Variants in STRN observed in about 807,000 individuals in gnomAD.
STRN encodes the protein protein phosphatase 2 regulatory subunit B'''alpha.
In STRN, 53 loss-of-function variants were observed where a neutral mutation model predicts 96.3. The ratio of observed to expected loss-of-function variants is 0.55; its 90% CI spans 0.44 to 0.69. The LOEUF is 0.69. Ranked by LOEUF, STRN falls within the 30% of genes least tolerant of loss-of-function variation. The pLI, the probability that STRN is intolerant of heterozygous loss-of-function variation, is 0.00. For missense variants in STRN, 987 were observed against 963.9 expected, an observed-to-expected ratio of 1.02 and a Z score of -0.32; for synonymous variants, 428 against 355.9, an observed-to-expected ratio of 1.20 and a Z score of -2.28.
intron 1 of STRN, among the ~76,000 whole-genome samples, chr2:36,940,900 C>G (rs1670829627): frequency 6.6e-6 from 1 of 150,522 alleles, no homozygotes; most frequent in African/African-American, 2.4e-5. Flanking sequence ...TGCCTGTAAT[C>G]CCAGCACTTT....
chr2:36,873,482 C>T (rs768471110), intron 10 of STRN, among the ~76,000 whole-genome samples: 59 of 151,978 alleles, frequency 3.9e-4, no homozygotes, highest in Non-Finnish European at 6.6e-4. Context: ...AGAGCCTGAG[C>T]CCAGAAGGCA....
At chr2:36,906,535 A>G (rs1669825756) in intron 3 of STRN, among the ~76,000 whole-genome samples, 1 of 152,180 alleles carries the variant, frequency 6.6e-6, no homozygotes, top group Non-Finnish European at 1.5e-5. Context: ...CTAGAACAAA[A>G]TACTGAGGAA....
intron 1 of STRN, among the ~76,000 whole-genome samples, chr2:36,952,650 T>C (rs1252525229): frequency 6.6e-6 from 1 of 152,212 alleles, no homozygotes; most frequent in Non-Finnish European, 1.5e-5. Context: ...GCATTGTACC[T>C]GGCACACAGA....
chr2:36,891,887 A>G (rs1669409917), intron 7 of STRN, among the ~76,000 whole-genome samples: 4 of 152,242 alleles, frequency 2.6e-5, no homozygotes, highest in African/African-American at 9.6e-5. Flanking sequence ...TTTTAAATGA[A>G]TGAGAGAAGG....
At chr2:36,936,749 G>T (rs1309197716) in intron 1 of STRN, among the ~76,000 whole-genome samples, 1 of 152,106 alleles carries the variant, frequency 6.6e-6, no homozygotes, top group African/African-American at 2.4e-5. Context: ...CATTTAATTT[G>T]ATTATTTTTG....
chr2:36,931,201 G>A (rs545119148), intron 1 of STRN, among the ~76,000 whole-genome samples: 3 of 152,080 alleles, frequency 2.0e-5, no homozygotes, highest in Non-Finnish European at 2.9e-5. Context: ...GCTGACAGAC[G>A]AGTACATACT....
At chr2:36,904,787 C>T (rs1047438738) in intron 4 of STRN, among the ~76,000 whole-genome samples, 11 of 152,136 alleles carry the variant, frequency 7.2e-5, no homozygotes, top group African/African-American at 2.7e-4. Flanking sequence ...AAGATTGTGC[C>T]ACTGGACTCC....
intron 2 of STRN, among the ~76,000 whole-genome samples, chr2:36,918,604 C>T (rs1670170831): frequency 6.6e-6 from 1 of 151,976 alleles, no homozygotes; most frequent in East Asian, 1.9e-4. Flanking sequence ...AACTGTGACA[C>T]ATTATGAACA....
At chr2:36,956,018 T>C (rs1664878702) in intron 1 of STRN, among the ~76,000 whole-genome samples, 1 of 152,234 alleles carries the variant, frequency 6.6e-6, no homozygotes, top group East Asian at 1.9e-4. Context: ...GTATGGATTT[T>C]TCCACTTGTG....
rs1340118721 is a variant in STRN, at chr2:36,966,378, T to G, written c.86A>C (p.Glu29Ala). The change falls in exon 1 of 18, where the codon GAG becomes GCG. Residue 29 changes from glutamate to alanine, a missense_variant. Physicochemically the swap from Glu to Ala is moderately radical, Grantham distance 107. Transcript: ENST00000263918. ...CGCCCCGTCGCCGGCCGCGGCAGCCTCCGCCAGAGGCCCGAGCCCCTTGGC... is the reference window on the plus strand; with the variant it reads ...CGCCCCGTCGCCGGCCGCGGCAGCCGCCGCCAGAGGCCCGAGCCCCTTGGC... Reference protein sequence around the residue: ...GGAKGLGPLAEAAAAGDGAAA... With the variant: ...GGAKGLGPLAAAAAAGDGAAA... 1 of 1,463,074 alleles carries G rather than the reference T, an allele frequency of 6.8e-7. No homozygotes were observed. The highest frequency in any genetic ancestry group is 9.0e-7 in the Non-Finnish European group (1 of 1,109,776). The allele number at this position is 1,463,074 out of a possible 1,614,324, so 90.6% of individuals were successfully genotyped here.
At chr2:36,891,977 A>C (rs931595687) in intron 7 of STRN, among the ~76,000 whole-genome samples, 4 of 152,224 alleles carry the variant, frequency 2.6e-5, no homozygotes, top group Non-Finnish European at 5.9e-5. Flanking sequence ...CCAAAAAAAT[A>C]GGGATTTAAT....
At chr2:36,941,139 G>C (rs559663884) in intron 1 of STRN, among the ~76,000 whole-genome samples, 1 of 152,204 alleles carries the variant, frequency 6.6e-6, no homozygotes, top group Non-Finnish European at 1.5e-5. Flanking sequence ...CTGAGCAACA[G>C]AGGTGAGACC....
intron 1 of STRN, among the ~76,000 whole-genome samples, chr2:36,955,872 C>T (rs1281354395): frequency 6.6e-6 from 1 of 152,174 alleles, no homozygotes; most frequent in Non-Finnish European, 1.5e-5. Context: ...CAAGTCTAAA[C>T]ACAAAATTCA....
chr2:36,890,660 T>G (rs2148184150), intron 7 of STRN, among the ~76,000 whole-genome samples: 1 of 152,000 alleles, frequency 6.6e-6, no homozygotes, highest in South Asian at 2.1e-4. Flanking sequence ...ATTTTCATAT[T>G]TTTAGTAGAG....
At chr2:36,859,995 G>T (rs1668436102) in intron 13 of STRN, among the ~76,000 whole-genome samples, 1 of 152,142 alleles carries the variant, frequency 6.6e-6, no homozygotes, top group Non-Finnish European at 1.5e-5. Context: ...TACCATCAAA[G>T]AAACAGATGA....
chr2:36,956,344 C>A (rs10177789), intron 1 of STRN, among the ~76,000 whole-genome samples: 4,281 of 151,992 alleles, frequency 0.028, 95 homozygotes, highest in African/African-American at 0.066. Context: ...ATATTATCAC[C>A]CACATTTACA....
At position 36,844,482 on chromosome 2, in the gene STRN, A is replaced by G. The variant is rs1248729946; in HGVS notation, c.*4974T>C. ...CACAGCCTGTTAAAAACCCAGGCAG[A>G]CATTAGAATCTAAATTAAAATGATT... On this transcript the variant is annotated 3_prime_UTR_variant, in exon 18 of 18. Transcript: ENST00000263918. 4.6e-5 allele frequency: 7 copies of G among 152,164 alleles called. No individual in the cohort carries two copies. Among genetic ancestry groups the G allele is most frequent in the African/African-American group, 1.7e-4 (7 of 41,452 alleles). The allele number at this position is 152,164 out of a possible 1,614,324, so 9.4% of individuals were successfully genotyped here.
At chr2:36,869,833 C>T in intron 10 of STRN, 104 bp from the exon 11 acceptor site, 3 of 896,824 alleles carry the variant, frequency 3.3e-6, no homozygotes, top group Non-Finnish European at 4.6e-6. Flanking sequence ...TAAACGATCA[C>T]TTTGCAATTT....
chr2:36,894,298 G>T (rs576379867), intron 6 of STRN, among the ~76,000 whole-genome samples: 141 of 152,292 alleles, frequency 9.3e-4, no homozygotes, highest in Non-Finnish European at 1.6e-3. Flanking sequence ...GTACTGAAAT[G>T]ACAGATATAC....
Sources: gnomAD v4.1 joint callset for allele counts (sites outside exome capture counted in the v4.1 genomes callset) on GRCh38, gnomAD v4.1.1 for gene constraint, MANE v1.5 for transcripts, NCBI Gene and HGNC (gene_info 2026-07-23, HGNC 2026-07-21) for gene names.